DNMBP: variants seen among roughly 807,000 people sequenced by gnomAD.
The protein encoded by DNMBP is dynamin binding protein, also known as dynamin-binding protein.
Under a neutral mutation model 150.0 loss-of-function variants are expected in DNMBP, and 87 were observed. The observed-to-expected ratio is 0.58, with a 90% CI of 0.49 to 0.69. DNMBP has a LOEUF of 0.69. Among genes scored for constraint, DNMBP ranks in the 30% least tolerant of loss-of-function variants. DNMBP has a pLI of 0.00. For missense variants in DNMBP, 1,774 were observed against 1,949.0 expected (o/e 0.91, Z 1.69); for synonymous variants, 711 against 750.4 (o/e 0.95, Z 0.86).
At chr10:99,895,512 C>G (rs1332703667) in intron 10 of DNMBP, among the ~76,000 whole-genome samples, 1 of 152,196 alleles carries the variant, frequency 6.6e-6, no homozygotes, top group Non-Finnish European at 1.5e-5. Flanking sequence ...ATTTAAACAC[C>G]TGCATGTGGT....
intron 6 of DNMBP, among the ~76,000 whole-genome samples, chr10:99,903,126 A>G (rs2039771234): frequency 1.4e-5 from 2 of 144,114 alleles, no homozygotes; most frequent in Non-Finnish European, 3.0e-5. Flanking sequence ...TTTTTTGTAG[A>G]AACGAGGTCT....
chr10:99,944,253 TG>T (rs1164231668), intron 4 of DNMBP, among the ~76,000 whole-genome samples: 3 of 151,598 alleles, frequency 2.0e-5, no homozygotes, highest in South Asian at 2.1e-4. Flanking sequence ...AATATGACTA[TG>T]TTTTTTTAAA....
At position 99,956,393 on chromosome 10, in the gene DNMBP, G is replaced by A. The variant is rs1456417383; in HGVS notation, c.1081C>T (p.Leu361Phe). The A allele has an allele frequency of 6.2e-7, 1 of 1,614,060 alleles. No individual in the cohort carries two copies. Among genetic ancestry groups the A allele is most frequent in the Admixed American group, 1.7e-5 (1 of 60,014 alleles). ...CIISEAPTSP[L>F]GHLTSEYDTD... ...TCATACTCTGAAGTCAGATGACCGA[G>A]GGGAGAAGTGGGTGCTTCAGAAATA... The change falls in exon 4 of 17, where the codon CTC becomes TTC. Residue 361 changes from leucine (L) to phenylalanine (F), a missense_variant. By Grantham distance (22) the Leu-to-Phe change is conservative. This residue lies in a region of DNMBP where 344 missense variants were observed against 456.6 expected (regional missense o/e 0.75). Transcript: ENST00000324109.
Position 99,880,736 on chromosome 10 carries a change from G to C in DNMBP, c.3998-375C>G, listed in dbSNP as rs74546524. 3.8e-3 allele frequency among the ~76,000 whole-genome samples: 577 copies of C among 152,352 alleles called. 10 individuals are homozygous for C. In the Middle Eastern group the frequency reaches 0.054, roughly 14 times the overall value. On this transcript the variant is annotated intron_variant, in intron 15 of 16. Transcript: ENST00000324109. ...GGAAGAGAATGTCATAGGACACTGAGATCATGCCTAAGAGGAAGGCTTGAT... is the reference window on the plus strand; with the variant it reads ...GGAAGAGAATGTCATAGGACACTGACATCATGCCTAAGAGGAAGGCTTGAT...
intron 4 of DNMBP, among the ~76,000 whole-genome samples, chr10:99,921,175 T>A (rs1022148067): frequency 6.6e-6 from 1 of 152,196 alleles, no homozygotes; most frequent in African/African-American, 2.4e-5. Context: ...AGTTTAATGG[T>A]CTGTTTCCCT....
Position 99,955,436 on chromosome 10 carries a change from G to T in DNMBP, c.2038C>A (p.His680Asn). 2 of 1,612,222 alleles carry T rather than the reference G, an allele frequency of 1.2e-6. No individual in the cohort carries two copies. Among genetic ancestry groups the T allele is most frequent in the South Asian group, 2.2e-5 (2 of 90,774 alleles). ...CETLEKEGPG[H>N]MGRSLDQTSP... ...GTCTGGTCCAGACTCCTTCCCATAT[G>T]ACCAGGGCCCTCCTTTTCTAAGGTC... Residue 680 changes from histidine to asparagine, a missense_variant, in exon 4 of 17, where the codon CAT (histidine) becomes AAT (asparagine). Coordinates refer to ENST00000324109, the MANE Select transcript of DNMBP (RefSeq NM_015221.4).
At chr10:99,930,243 G>C in intron 4 of DNMBP, 1 of 702,896 alleles carries the variant, frequency 1.4e-6, no homozygotes, top group Middle Eastern at 2.3e-4. Flanking sequence ...CCACAACTGA[G>C]GTTGACCTAA....
intron 4 of DNMBP, chr10:99,929,627 T>C (rs2040123201): frequency 1.5e-6 from 1 of 685,164 alleles, no homozygotes; most frequent in Non-Finnish European, 2.6e-6. Context: ...TCTTGCTGTT[T>C]TGCACGAACT....
intron 3 of DNMBP, among the ~76,000 whole-genome samples, chr10:99,958,912 A>G (rs2040529928): frequency 6.6e-6 from 1 of 152,236 alleles, no homozygotes; most frequent in Non-Finnish European, 1.5e-5. Context: ...GAAATTACCA[A>G]TCGTTGAATT....
At chr10:99,948,965 AAAATAAATAAATAAAT>A (rs55754467) in intron 4 of DNMBP, among the ~76,000 whole-genome samples, 52 of 137,220 alleles carry the variant, frequency 3.8e-4, no homozygotes, top group Non-Finnish European at 5.6e-4. Context: ...CTCCATCTCA[AAAATAAATAAATAAAT>A]AAATAAATAA....
intron 6 of DNMBP, among the ~76,000 whole-genome samples, chr10:99,901,465 TAAATG>T (rs2039737000): frequency 6.6e-6 from 1 of 152,148 alleles, no homozygotes; most frequent in Admixed American, 6.6e-5. Flanking sequence ...ATACTTTAAA[TAAATG>T]CTATATTTCA....
chr10:99,938,569 G>T (rs746350123), intron 4 of DNMBP, among the ~76,000 whole-genome samples: 8 of 152,074 alleles, frequency 5.3e-5, no homozygotes, highest in Non-Finnish European at 7.4e-5. Context: ...AGAAATTATA[G>T]TTGGGCAAGT....
At chr10:99,889,426 T>C (rs1219216213) in intron 11 of DNMBP, 1 of 152,932 alleles carries the variant, frequency 6.5e-6, no homozygotes, top group Non-Finnish European at 1.5e-5. Context: ...CTGTGCTGCT[T>C]CCTTTTTTTG....
At chr10:99,973,716 G>A (rs557519056) in intron 1 of DNMBP, among the ~76,000 whole-genome samples, 2 of 152,108 alleles carry the variant, frequency 1.3e-5, no homozygotes, top group Admixed American at 6.5e-5. Flanking sequence ...GCGGTGGCTC[G>A]CACCTGTAAT....
chr10:99,902,037 G>C (rs1276913003), intron 6 of DNMBP, among the ~76,000 whole-genome samples: 2 of 151,836 alleles, frequency 1.3e-5, no homozygotes, highest in Non-Finnish European at 2.9e-5. Flanking sequence ...TGAGTAGCTG[G>C]GACACCACCA....
chr10:99,965,890 T>G (rs1361234216), intron 3 of DNMBP, among the ~76,000 whole-genome samples: 3 of 152,272 alleles, frequency 2.0e-5, no homozygotes, highest in African/African-American at 7.2e-5. Flanking sequence ...AAAAGTGATT[T>G]TCAGTCTAGG....
chr10:99,988,123 T>C (rs957961081), intron 1 of DNMBP, among the ~76,000 whole-genome samples: 4 of 152,228 alleles, frequency 2.6e-5, no homozygotes, highest in African/African-American at 9.6e-5. Context: ...TCAAATGCTT[T>C]TCCTGCGTCC....
intron 11 of DNMBP, among the ~76,000 whole-genome samples, chr10:99,892,152 C>T (rs1264235887): frequency 2.8e-5 from 4 of 143,256 alleles, no homozygotes; most frequent in Non-Finnish European, 3.1e-5. Flanking sequence ...CGGCCAGCCG[C>T]CCCGTCCAGG....
At chr10:100,001,981 C>T (rs1471981223) in intron 1 of DNMBP, among the ~76,000 whole-genome samples, 3 of 152,064 alleles carry the variant, frequency 2.0e-5, no homozygotes, top group African/African-American at 7.2e-5. Flanking sequence ...ATAAACTGTT[C>T]CAAGAGAGGA....
Sources: allele counts gnomAD v4.1 joint callset (sites outside exome capture counted in the v4.1 genomes callset), GRCh38; gene constraint gnomAD v4.1.1; regional missense constraint gnomAD v4.1.1; transcripts MANE v1.5; gene names NCBI Gene and HGNC (gene_info 2026-07-23, HGNC 2026-07-21).